Variants in GPA33 observed in about 807,000 individuals in gnomAD.
The protein encoded by GPA33 is cell surface A33 antigen.
A neutral mutation model predicts 35.6 loss-of-function variants in GPA33; 27 were observed. That is an observed-to-expected ratio of 0.76 (90% CI 0.56 to 1.04). The LOEUF is 1.04. Ranked by LOEUF, GPA33 falls within the 50% of genes least tolerant of loss-of-function variation. The pLI is 0.00. For synonymous variants in GPA33, 176 were observed against 164.0 expected (o/e 1.07, Z -0.56); for missense variants, 428 against 411.9 (o/e 1.04, Z -0.34).
intron 1 of GPA33, 36 bp downstream of exon 1, chr1:167,090,209 A>C: frequency 6.5e-7 from 1 of 1,544,668 alleles, no homozygotes; most frequent in Non-Finnish European, 9.0e-7. Flanking sequence ...TGTCTCACCC[A>C]CCCCTGGGCA....
intron 4 of GPA33, among the ~76,000 whole-genome samples, chr1:167,058,723 T>G (rs1318457816): frequency 2.6e-5 from 4 of 151,450 alleles, no homozygotes; most frequent in African/African-American, 9.7e-5. Flanking sequence ...GATATTAACA[T>G]GCGGCATGGA....
chr1:167,086,681 A>C (rs1045274707), intron 1 of GPA33, among the ~76,000 whole-genome samples: 1 of 152,258 alleles, frequency 6.6e-6, no homozygotes, highest in African/African-American at 2.4e-5. Flanking sequence ...AGCAACTTGC[A>C]AACTTGGTTC....
At chr1:167,065,210 G>A (rs917089419) in intron 3 of GPA33, among the ~76,000 whole-genome samples, 1 of 152,228 alleles carries the variant, frequency 6.6e-6, no homozygotes, top group Non-Finnish European at 1.5e-5. Context: ...CAGGAGGCAA[G>A]GCTGCTGGGG....
intron 4 of GPA33, among the ~76,000 whole-genome samples, chr1:167,062,509 C>T (rs1488715838): frequency 2.0e-5 from 3 of 152,106 alleles, no homozygotes; most frequent in Non-Finnish European, 4.4e-5. Context: ...GCATGAGCCA[C>T]GGCACCCAGC....
At chr1:167,082,572 T>C (rs1453761602) in intron 1 of GPA33, among the ~76,000 whole-genome samples, 1 of 152,096 alleles carries the variant, frequency 6.6e-6, no homozygotes, top group Non-Finnish European at 1.5e-5. Flanking sequence ...AGACACCAGA[T>C]GGAGCAAGAC....
chr1:167,077,133 G>C (rs1666839042), intron 1 of GPA33, among the ~76,000 whole-genome samples: 1 of 151,942 alleles, frequency 6.6e-6, no homozygotes, highest in Non-Finnish European at 1.5e-5. Context: ...TTGAAGCTGG[G>C]AGGTAGAGGC....
At chr1:167,080,480 T>G (rs1170986632) in intron 1 of GPA33, among the ~76,000 whole-genome samples, 1 of 152,222 alleles carries the variant, frequency 6.6e-6, no homozygotes, top group East Asian at 1.9e-4. Context: ...CTCCTAGTGC[T>G]TCTCTCTCAT....
At chr1:167,056,672 TG>T (rs1666277867) in intron 4 of GPA33, among the ~76,000 whole-genome samples, 5 of 17,688 alleles carry the variant, frequency 2.8e-4, no homozygotes, top group African/African-American at 6.2e-4. Context: ...GGTGAGTGTG[TG>T]ATGTGTCTGG....
intron 1 of GPA33, among the ~76,000 whole-genome samples, chr1:167,077,569 G>A (rs534758234): frequency 6.6e-6 from 1 of 152,272 alleles, no homozygotes; most frequent in South Asian, 2.1e-4. Flanking sequence ...AATGGCCCAT[G>A]CACAGTTGGT....
At chr1:167,054,827 A>T (rs1331306553) in intron 6 of GPA33, 149 bp downstream of exon 6, 6 of 893,700 alleles carry the variant, frequency 6.7e-6, no homozygotes, top group African/African-American at 5.0e-5. Flanking sequence ...TGCACATTTT[A>T]TGGCTTGGAC....
At chr1:167,069,233 G>T (rs1402409908) in intron 2 of GPA33, 95 bp from the exon 3 acceptor site, 1 of 770,536 alleles carries the variant, frequency 1.3e-6, no homozygotes, top group Non-Finnish European at 2.2e-6. Context: ...CAGTTTCCAG[G>T]GCCCAGAAGC....
At chr1:167,074,940 G>T (rs1305117005) in intron 1 of GPA33, among the ~76,000 whole-genome samples, 1 of 134,558 alleles carries the variant, frequency 7.4e-6, no homozygotes, top group African/African-American at 2.9e-5. Context: ...AGAGAGTCTC[G>T]CTCTGTTGCC....
At chr1:167,071,436 G>T (rs912953223) in intron 2 of GPA33, among the ~76,000 whole-genome samples, 1 of 152,196 alleles carries the variant, frequency 6.6e-6, no homozygotes, top group African/African-American at 2.4e-5. Context: ...CGTGCAGTGC[G>T]CTTTGTGCAA....
At chr1:167,067,403 T>C (rs1666624163) in intron 3 of GPA33, among the ~76,000 whole-genome samples, 1 of 151,996 alleles carries the variant, frequency 6.6e-6, no homozygotes, top group Non-Finnish European at 1.5e-5. Context: ...CACCCGACCC[T>C]TCTTCTTTTT....
intron 3 of GPA33, among the ~76,000 whole-genome samples, chr1:167,064,345 T>C (rs1319908530): frequency 1.3e-5 from 2 of 151,926 alleles, no homozygotes; most frequent in Non-Finnish European, 2.9e-5. Context: ...GATGGGGACA[T>C]TGAGGCCCAG....
At chr1:167,081,282 G>T (rs1229597092) in intron 1 of GPA33, among the ~76,000 whole-genome samples, 1 of 152,186 alleles carries the variant, frequency 6.6e-6, no homozygotes, top group Non-Finnish European at 1.5e-5. Flanking sequence ...AAATCTATTT[G>T]CTCAGAGAAA....
intron 1 of GPA33, among the ~76,000 whole-genome samples, chr1:167,075,754 T>G (rs1005534451): frequency 6.6e-6 from 1 of 152,086 alleles, no homozygotes; most frequent in Admixed American, 6.5e-5. Context: ...AGGAAAGACA[T>G]GTGGGACTGA....
rs142180754 is a variant in GPA33 at position 167,083,350 on chromosome 1, C to T, written c.43+6895G>A. On this transcript the variant is annotated intron_variant, in intron 1 of 6. Transcript: ENST00000367868. ...AGAGGTTGGAGACAAGCAGGGGCAGCCTGGAGGAGGAAGAAAAGCAGGAAA... is the reference window on the plus strand; with the variant it reads ...AGAGGTTGGAGACAAGCAGGGGCAGTCTGGAGGAGGAAGAAAAGCAGGAAA... Among the ~76,000 whole-genome samples the T allele has an allele frequency of 6.5e-3, 991 of 152,146 alleles. 19 individuals are homozygous for T. The highest frequency in any genetic ancestry group is 0.023 in the African/African-American group (953 of 41,490).
rs1453582939 is a variant in GPA33 at position 167,090,289 on chromosome 1, G to A, written c.-2C>T. On this transcript the variant is annotated 5_prime_UTR_variant, in exon 1 of 7. Transcript: ENST00000367868. ...CACAGGCCACATCTTCCCCACCATGGTCTTGCTTCTTCTCTGCCCTAAACC... is the reference window on the plus strand; with the variant it reads ...CACAGGCCACATCTTCCCCACCATGATCTTGCTTCTTCTCTGCCCTAAACC... 1.9e-6 allele frequency: 3 copies of A among 1,613,260 alleles called. No homozygotes were observed. Among genetic ancestry groups the A allele is most frequent in the African/African-American group, 1.3e-5 (1 of 75,002 alleles).
Sources: allele counts gnomAD v4.1 joint callset (sites outside exome capture counted in the v4.1 genomes callset), GRCh38; gene constraint gnomAD v4.1.1; transcripts MANE v1.5; gene names NCBI Gene and HGNC (gene_info 2026-07-23, HGNC 2026-07-21).